The following AKAP7 variants were observed in gnomAD, a reference collection of about 807,000 sequenced individuals.
AKAP7 encodes A kinase (PRKA) anchor protein 7.
Under a neutral mutation model 39.5 loss-of-function variants are expected in AKAP7, and 39 were observed. That is an observed-to-expected ratio of 0.99 (90% confidence interval 0.76 to 1.29). AKAP7 has a LOEUF of 1.29. AKAP7 is among the 50% of genes most tolerant of loss of function. AKAP7 has a pLI of 0.00. For missense variants in AKAP7, 414 were observed against 407.7 expected, an observed-to-expected ratio of 1.02 and a Z score of -0.13; for synonymous variants, 140 against 139.1, an observed-to-expected ratio of 1.01 and a Z score of -0.05.
At chr6:131,135,204 C>A (rs2128220787), upstream of AKAP7, among the ~76,000 whole-genome samples, 1 of 152,356 alleles carries the variant, frequency 6.6e-6, no homozygotes, top group African/African-American at 2.4e-5. Flanking sequence ...CCAGAGAATT[C>A]TTTCATCCTA....
chr6:131,154,957 G>C (rs1802289529), intron 2 of AKAP7, among the ~76,000 whole-genome samples: 1 of 151,894 alleles, frequency 6.6e-6, no homozygotes, highest in South Asian at 2.1e-4. Flanking sequence ...CTAGTAAACT[G>C]GTAGTTAGAT....
intron 5 of AKAP7, among the ~76,000 whole-genome samples, chr6:131,196,303 TCACTCAG>T (rs1460087329): frequency 2.7e-5 from 4 of 149,408 alleles, no homozygotes; most frequent in Non-Finnish European, 5.9e-5. Context: ...TCTCACTCTG[TCACTCAG>T]GCAGGAGTGC....
At chr6:131,247,313 A>ATATATATTTT (rs1812106698) in intron 7 of AKAP7, among the ~76,000 whole-genome samples, 2 of 46,340 alleles carry the variant, frequency 4.3e-5, no homozygotes, top group Non-Finnish European at 7.9e-5. Flanking sequence ...ATATATATAT[A>ATATATATTTT]TGTTTTTTTT....
At chr6:131,247,271 A>G (rs34829237) in intron 7 of AKAP7, among the ~76,000 whole-genome samples, 1,025 of 6,126 alleles carry the variant, frequency 0.17, 31 homozygotes, top group African/African-American at 0.41. Flanking sequence ...TTTCATATGT[A>G]TATATATATA....
At chr6:131,215,093 C>T (rs1426354054) in intron 6 of AKAP7, among the ~76,000 whole-genome samples, 1 of 151,866 alleles carries the variant, frequency 6.6e-6, no homozygotes, top group Non-Finnish European at 1.5e-5. Flanking sequence ...TACTGTAATA[C>T]AGATGATAGA....
upstream of AKAP7, among the ~76,000 whole-genome samples, chr6:131,130,521 C>T (rs1689112101): frequency 6.6e-6 from 1 of 152,198 alleles, no homozygotes; most frequent in Admixed American, 6.5e-5. Context: ...GTATCAAACT[C>T]CTGACCTCAG....
At chr6:131,196,045 G>A (rs192073688) in intron 5 of AKAP7, among the ~76,000 whole-genome samples, 112 of 152,062 alleles carry the variant, frequency 7.4e-4, no homozygotes, top group Non-Finnish European at 8.5e-4. Flanking sequence ...TACCCCTACC[G>A]CTTTCTCTCC....
At chr6:131,174,185 T>C (rs1804350843) in intron 5 of AKAP7, among the ~76,000 whole-genome samples, 1 of 152,246 alleles carries the variant, frequency 6.6e-6, no homozygotes, top group Admixed American at 6.5e-5. Context: ...TTTTAATCTT[T>C]TATGTGTGTA....
chr6:131,136,075 C>T (rs1800515821), intron 1 of AKAP7, among the ~76,000 whole-genome samples: 1 of 152,162 alleles, frequency 6.6e-6, no homozygotes, highest in Non-Finnish European at 1.5e-5. Context: ...ATCCTGTGAC[C>T]CTTTGCACAA....
At chr6:131,159,939 CT>C (rs1278025761) in intron 2 of AKAP7, 119 bp from the exon 3 acceptor site, 1 of 963,636 alleles carries the variant, frequency 1.0e-6, no homozygotes, top group African/African-American at 1.7e-5. Context: ...CAAACTCCTG[CT>C]TTAGATTTGA....
chr6:131,269,194 C>T (rs1402285461), intron 7 of AKAP7, among the ~76,000 whole-genome samples: 1 of 152,146 alleles, frequency 6.6e-6, no homozygotes, highest in Non-Finnish European at 1.5e-5. Context: ...TCCCTAGTAG[C>T]TGGGATTACA....
chr6:131,149,612 G>A (rs1801754833), intron 2 of AKAP7, among the ~76,000 whole-genome samples: 1 of 152,196 alleles, frequency 6.6e-6, no homozygotes, highest in South Asian at 2.1e-4. Context: ...TCCAGCCTGG[G>A]CAACACAGCC....
the AKAP7 span, among the ~76,000 whole-genome samples, chr6:131,128,677 C>G: frequency 6.6e-6 from 1 of 151,886 alleles, no homozygotes; most frequent in Non-Finnish European, 1.5e-5. Context: ...ACAAAATTAG[C>G]CAGGCGTGGT....
chr6:131,247,269 GTATATA>G (rs60033504), intron 7 of AKAP7, among the ~76,000 whole-genome samples: 1,267 of 91,626 alleles, frequency 0.014, 12 homozygotes, highest in East Asian at 0.079. Context: ...CATTTCATAT[GTATATA>G]TATATATATA....
chr6:131,184,988 A>G, intron 5 of AKAP7: 7 of 764,338 alleles, frequency 9.2e-6, no homozygotes, highest in Non-Finnish European at 1.7e-5. Context: ...AGTACTCATC[A>G]TCGAGGTCAT....
intron 2 of AKAP7, among the ~76,000 whole-genome samples, chr6:131,146,338 T>G (rs961620516): frequency 6.6e-6 from 1 of 152,208 alleles, no homozygotes; most frequent in African/African-American, 2.4e-5. Context: ...CCAGATGCGG[T>G]GGCTCATGCC....
At chr6:131,144,545 T>G (rs1421924329) in intron 1 of AKAP7, among the ~76,000 whole-genome samples, 2 of 152,240 alleles carry the variant, frequency 1.3e-5, no homozygotes, top group Non-Finnish European at 2.9e-5. Context: ...TGGGTTATAA[T>G]GGCACTGGGG....
At chr6:131,167,311 A>G (rs888532570) in intron 4 of AKAP7, among the ~76,000 whole-genome samples, 1 of 152,206 alleles carries the variant, frequency 6.6e-6, no homozygotes, top group African/African-American at 2.4e-5. Context: ...TTACTGATTT[A>G]TACTACTAGA....
intron 7 of AKAP7, among the ~76,000 whole-genome samples, chr6:131,271,421 T>TA (rs1814265637): frequency 6.6e-6 from 1 of 152,196 alleles, no homozygotes; most frequent in Non-Finnish European, 1.5e-5. Context: ...TGTCTATACT[T>TA]ATGCCAATAC....
Sources: allele counts gnomAD v4.1 joint callset (sites outside exome capture counted in the v4.1 genomes callset), GRCh38; gene constraint gnomAD v4.1.1; transcripts MANE v1.5; gene names NCBI Gene and HGNC (gene_info 2026-07-23, HGNC 2026-07-21).